Variants in PALM2AKAP2 observed in about 807,000 individuals in gnomAD.
The protein encoded by PALM2AKAP2 is PALM2-AKAP2 fusion protein.
A neutral mutation model predicts 71.5 loss-of-function variants in PALM2AKAP2; 37 were observed. That is an observed-to-expected ratio of 0.52 (90% CI 0.40 to 0.68). PALM2AKAP2 has a LOEUF of 0.68. PALM2AKAP2 is among the 30% of genes least tolerant of loss of function. The pLI is 0.00. For missense variants in PALM2AKAP2, 1,224 were observed against 1,191.8 expected (o/e 1.03, Z -0.40); for synonymous variants, 468 against 478.8 (o/e 0.98, Z 0.29).
intron 6 of PALM2AKAP2, among the ~76,000 whole-genome samples, chr9:110,009,123 T>C (rs1483314559): frequency 6.6e-6 from 1 of 152,180 alleles, no homozygotes; most frequent in African/African-American, 2.4e-5. Context: ...CTCTTGCACA[T>C]TCGGGTCCAT....
At chr9:110,147,822 C>T (rs535799955) in intron 2 of PALM2AKAP2, among the ~76,000 whole-genome samples, 30 of 152,324 alleles carry the variant, frequency 2.0e-4, no homozygotes, top group Non-Finnish European at 4.0e-4. Flanking sequence ...GTGAGTTGCT[C>T]TTTTGCAGCA....
chr9:109,929,392 T>C (rs969190438), intron 5 of PALM2AKAP2, among the ~76,000 whole-genome samples: 1 of 152,096 alleles, frequency 6.6e-6, no homozygotes, highest in African/African-American at 2.4e-5. Context: ...AAACTGACCC[T>C]CTAGTCCTAG....
At position 110,120,173 on chromosome 9, in the gene PALM2AKAP2, C is replaced by T. The variant is rs370825204; in HGVS notation, c.157-15954C>T. On this transcript the variant is annotated intron_variant, in intron 1 of 3. Transcript: ENST00000374525. ...ATACTTAGACTACACATTTTCATCA[C>T]CTATAGGTTTTCACTGTTATAAATA... Among the ~76,000 whole-genome samples the T allele has an allele frequency of 5.3e-5, 8 of 152,274 alleles. No homozygotes were observed. The South Asian group carries it at 1.7e-3, about 32-fold the overall frequency.
At chr9:109,982,807 G>T (rs1832300180) in intron 6 of PALM2AKAP2, among the ~76,000 whole-genome samples, 2 of 152,154 alleles carry the variant, frequency 1.3e-5, no homozygotes, top group South Asian at 4.1e-4. Flanking sequence ...ACTTTTTGTA[G>T]AGATGGGGTC....
At chr9:110,095,959 G>A (rs917577743) in intron 1 of PALM2AKAP2, among the ~76,000 whole-genome samples, 2 of 152,152 alleles carry the variant, frequency 1.3e-5, no homozygotes, top group Admixed American at 1.3e-4. Flanking sequence ...GTGCAACATT[G>A]TTCAATCAAG....
At chr9:109,715,327 C>T (rs1828300694) in intron 1 of PALM2AKAP2, among the ~76,000 whole-genome samples, 2 of 152,106 alleles carry the variant, frequency 1.3e-5, no homozygotes, top group Admixed American at 6.5e-5. Context: ...AAGGCCAGTC[C>T]GTGGCACCTG....
chr9:109,824,225 C>T lies in PALM2AKAP2; in HGVS notation c.46-43266C>T, dbSNP rs114337776. ...TTTAGTGTGTCTGCCACAAGGGTTTCCAAGGCCACTAGCTGGCAGAAGGAT... is the reference window on the plus strand; with the variant it reads ...TTTAGTGTGTCTGCCACAAGGGTTTTCAAGGCCACTAGCTGGCAGAAGGAT... On this transcript the variant is annotated intron_variant, in intron 1 of 9. Transcript: ENST00000302798. Among the ~76,000 whole-genome samples the T allele has an allele frequency of 4.0e-3, 608 of 152,226 alleles. 5 individuals are homozygous for T. The highest frequency in any genetic ancestry group is 0.014 in the African/African-American group (586 of 41,540).
chr9:110,023,305 CTTTTTTTTTT>C (rs149672913), intron 7 of PALM2AKAP2, among the ~76,000 whole-genome samples: 5 of 74,044 alleles, frequency 6.8e-5, no homozygotes, highest in East Asian at 4.4e-4. Flanking sequence ...ATTGTGGTTT[CTTTTTTTTTT>C]TTTTTTTTTT....
At chr9:110,039,240 C>A (rs1833471956) in intron 7 of PALM2AKAP2, among the ~76,000 whole-genome samples, 1 of 152,074 alleles carries the variant, frequency 6.6e-6, no homozygotes, top group Admixed American at 6.6e-5. Flanking sequence ...CAGAGTGAGA[C>A]CCTCTCTCAA....
intron 6 of PALM2AKAP2, among the ~76,000 whole-genome samples, chr9:109,940,018 A>G (rs1831323073): frequency 6.6e-6 from 1 of 152,236 alleles, no homozygotes. Context: ...AAGTTCAAAC[A>G]TTAATTACTG....
At chr9:110,084,014 C>G (rs1412193469) in intron 1 of PALM2AKAP2, among the ~76,000 whole-genome samples, 1 of 152,220 alleles carries the variant, frequency 6.6e-6, no homozygotes, top group Non-Finnish European at 1.5e-5. Context: ...GAACTCCCAG[C>G]TGACCGCTGT....
At chr9:109,885,682 A>G (rs1251216610) in intron 3 of PALM2AKAP2, among the ~76,000 whole-genome samples, 1 of 152,182 alleles carries the variant, frequency 6.6e-6, no homozygotes, top group Admixed American at 6.5e-5. Flanking sequence ...CTTTGACCCA[A>G]GGATATGTGA....
intron 2 of PALM2AKAP2, among the ~76,000 whole-genome samples, chr9:109,870,636 G>A (rs1481933339): frequency 6.6e-6 from 1 of 152,196 alleles, no homozygotes; most frequent in East Asian, 1.9e-4. Flanking sequence ...CTATAAATGA[G>A]GGAGCCTGAG....
At chr9:109,702,609 G>A (rs535035442) in intron 1 of PALM2AKAP2, among the ~76,000 whole-genome samples, 5 of 151,398 alleles carry the variant, frequency 3.3e-5, no homozygotes, top group Non-Finnish European at 7.4e-5. Context: ...GGGGGTAGGG[G>A]GGAGGGATAG....
intron 6 of PALM2AKAP2, among the ~76,000 whole-genome samples, chr9:109,982,459 T>A (rs2132200864): frequency 6.6e-6 from 1 of 152,286 alleles, no homozygotes; most frequent in Non-Finnish European, 1.5e-5. Flanking sequence ...AAGAGTATAA[T>A]TGGATTGTTT....
intron 1 of PALM2AKAP2, among the ~76,000 whole-genome samples, chr9:109,689,262 G>A (rs1415022944): frequency 4.1e-5 from 6 of 146,344 alleles, no homozygotes; most frequent in Non-Finnish European, 7.4e-5. Context: ...GAGTGCAATG[G>A]TGCCATCTCA....
intron 1 of PALM2AKAP2, among the ~76,000 whole-genome samples, chr9:109,714,662 C>T (rs529056490): frequency 6.6e-6 from 1 of 152,272 alleles, no homozygotes; most frequent in East Asian, 1.9e-4. Context: ...ATAATTATGA[C>T]CATGTATTGA....
At chr9:110,102,237 T>C (rs1835016015) in intron 1 of PALM2AKAP2, among the ~76,000 whole-genome samples, 2 of 152,314 alleles carry the variant, frequency 1.3e-5, no homozygotes, top group Admixed American at 6.5e-5. Context: ...TCTGACACCA[T>C]CTAAAGCAGG....
At chr9:110,015,917 G>A in intron 6 of PALM2AKAP2, 37 bp from the exon 7 acceptor site, 1 of 1,569,186 alleles carries the variant, frequency 6.4e-7, no homozygotes, top group Non-Finnish European at 8.7e-7. Context: ...TCAGCTGAAT[G>A]ACTTGGCTCA....
Sources: gnomAD v4.1 joint callset for allele counts (sites outside exome capture counted in the v4.1 genomes callset) on GRCh38, gnomAD v4.1.1 for gene constraint, MANE v1.5 for transcripts, NCBI Gene and HGNC (gene_info 2026-07-23, HGNC 2026-07-21) for gene names.